Variants in GLT8D1 observed in about 807,000 individuals in gnomAD.
GLT8D1 encodes glycosyltransferase 8 domain containing 1.
In GLT8D1, 41 loss-of-function variants were observed where a neutral mutation model predicts 46.2. That is an observed-to-expected ratio of 0.89 (90% CI 0.69 to 1.15). The LOEUF (loss-of-function observed/expected upper bound fraction) is 1.15, where lower values mean the gene tolerates loss of function less well. Ranked by LOEUF, GLT8D1 falls within the 50% of genes most tolerant of loss-of-function variation. GLT8D1 has a pLI of 0.00. For missense variants in GLT8D1, 408 were observed against 449.3 expected, an observed-to-expected ratio of 0.91 and a Z score of 0.83; for synonymous variants, 150 against 154.2, an observed-to-expected ratio of 0.97 and a Z score of 0.20.
chr3:52,705,163 CGGA>C (rs1240702099), intron 1 of GLT8D1: 4 of 152,220 alleles, frequency 2.6e-5, no homozygotes, highest in Admixed American at 6.5e-5. Flanking sequence ...CTGACGGTAA[CGGA>C]GGAGGGTCTA....
Position 52,700,254 on chromosome 3 carries a change from T to C in GLT8D1, c.115+8A>G. Reference sequence around the variant, plus strand: ...ATTCTAAGGCATTATTAATAAGTGCTCGCATACCTGTAACCTCATTCCTTA... The same window carrying C: ...ATTCTAAGGCATTATTAATAAGTGCCCGCATACCTGTAACCTCATTCCTTA... On this transcript the variant is annotated splice_region_variant and intron_variant, in intron 3 of 9. Transcript: ENST00000266014. 6.4e-7 allele frequency: 1 copy of C among 1,574,532 alleles called. No homozygotes were observed. Among genetic ancestry groups the C allele is most frequent in the East Asian group, 2.2e-5 (1 of 44,640 alleles).
At chr3:52,699,285 G>A (rs1368483440) in intron 3 of GLT8D1, among the ~76,000 whole-genome samples, 1 of 151,752 alleles carries the variant, frequency 6.6e-6, no homozygotes, top group African/African-American at 2.4e-5. Context: ...AAATACTGTT[G>A]TCTCTTTTTT....
At chr3:52,702,627 G>A (rs998808034) in intron 1 of GLT8D1, among the ~76,000 whole-genome samples, 3 of 152,006 alleles carry the variant, frequency 2.0e-5, no homozygotes, top group African/African-American at 4.8e-5. Flanking sequence ...AACTATTCAG[G>A]TGGCTGGGGT....
intron 3 of GLT8D1, among the ~76,000 whole-genome samples, chr3:52,698,692 A>G (rs1448963389): frequency 1.3e-5 from 2 of 152,096 alleles, no homozygotes; most frequent in African/African-American, 2.4e-5. Flanking sequence ...AAAAAAAAAA[A>G]AAGAAAACTG....
At chr3:52,701,760 G>T in intron 1 of GLT8D1, among the ~76,000 whole-genome samples, 1 of 152,162 alleles carries the variant, frequency 6.6e-6, no homozygotes, top group East Asian at 1.9e-4. Context: ...ACAATGTCCT[G>T]GTTGGTCCTC....
intron 9 of GLT8D1, 30 bp downstream of exon 9, chr3:52,695,160 T>C (rs1482330219): frequency 6.6e-7 from 1 of 1,524,092 alleles, no homozygotes; most frequent in Admixed American, 1.7e-5. Context: ...AATTCTTTAC[T>C]AGCTTATGCC....
chr3:52,695,744 A>G, intron 7 of GLT8D1, 157 bp from the exon 8 acceptor site: 1 of 638,764 alleles, frequency 1.6e-6, no homozygotes, highest in South Asian at 2.0e-5. Flanking sequence ...TGTTGACATA[A>G]TAAACCAGAT....
At chr3:52,704,396 T>C (rs866684061) in intron 1 of GLT8D1, among the ~76,000 whole-genome samples, 2 of 141,590 alleles carry the variant, frequency 1.4e-5, no homozygotes, top group Non-Finnish European at 3.0e-5. Flanking sequence ...GAGGCGGAGG[T>C]TGCAGTGAGC....
chr3:52,702,049 T>C (rs992325770), intron 1 of GLT8D1, among the ~76,000 whole-genome samples: 1 of 152,150 alleles, frequency 6.6e-6, no homozygotes, highest in African/African-American at 2.4e-5. Context: ...TTTGTTTTTT[T>C]AGACAGGGTC....
intron 5 of GLT8D1, 69 bp from the exon 6 acceptor site, chr3:52,696,387 T>C (rs2097333606): frequency 8.5e-7 from 1 of 1,176,788 alleles, no homozygotes; most frequent in South Asian, 1.2e-5. Flanking sequence ...CAGAAACTCC[T>C]AGGATGCTTT....
In GLT8D1 at chr3:52,697,714, A is replaced by G. The variant is rs1390449036; in HGVS notation, c.329+7T>C. ...TCTAGAAGCAGAATCACATAAGCAG[A>G]GCTCACCGGAGATGGTCTGCTGTAT... is the stretch of plus-strand genomic sequence containing the variant. On this transcript the variant is annotated splice_region_variant and intron_variant, in intron 4 of 9. Transcript: ENST00000266014. The G allele has an allele frequency of 1.3e-6, 2 of 1,579,086 alleles. No individual in the cohort carries two copies. Among genetic ancestry groups the G allele is most frequent in the Admixed American group, 3.3e-5 (2 of 59,972 alleles).
chr3:52,696,033 A>G lies in GLT8D1; in HGVS notation c.540T>C (p.Ile180=). 1.3e-6 allele frequency: 2 copies of G among 1,583,860 alleles called. No individual in the cohort carries two copies. The highest frequency in any genetic ancestry group is 8.7e-7 in the Non-Finnish European group (1 of 1,152,736). The part of the protein sequence containing the change: ...MDDDVIVQGD[I]LALYNTALKP... ...TCAGTGCTGTATTGTAAAGGGCAAGAATATCACCTGAAATAGACAAGATGT... is the reference window on the plus strand; with the variant it reads ...TCAGTGCTGTATTGTAAAGGGCAAGGATATCACCTGAAATAGACAAGATGT... Residue 180 remains isoleucine (I), a synonymous_variant, in exon 7 of 10, where the codon ATT becomes ATC. Coordinates refer to ENST00000266014, the MANE Select transcript of GLT8D1 (RefSeq NM_018446.4).
At chr3:52,695,634 A>G (rs760778836) in intron 7 of GLT8D1, 47 bp from the exon 8 acceptor site, 2 of 1,136,548 alleles carry the variant, frequency 1.8e-6, no homozygotes, top group Non-Finnish European at 2.6e-6. Flanking sequence ...CAAACAAAAT[A>G]GATACAATTT....
chr3:52,705,405 G>A (rs1000579401), intron 1 of GLT8D1, 42 bp downstream of exon 1: 3 of 152,402 alleles, frequency 2.0e-5, no homozygotes, highest in African/African-American at 7.2e-5. Flanking sequence ...GCCGCCTAGG[G>A]TAGCCCCCCT....
At chr3:52,704,795 G>C (rs2097342498) in intron 1 of GLT8D1, 1 of 152,424 alleles carries the variant, frequency 6.6e-6, no homozygotes, top group African/African-American at 2.4e-5. Flanking sequence ...ACGTTGAGCT[G>C]CACCTCCCCT....
rs1159241313 is a variant in GLT8D1, at chr3:52,705,701, G to C, written c.-291C>G. The C allele has an allele frequency of 4.5e-6, 2 of 442,222 alleles. No individual in the cohort carries two copies. The highest frequency in any genetic ancestry group is 5.5e-5 in the Admixed American group (1 of 18,166). 27.4% of individuals were successfully genotyped at this position (442,222 alleles called of 1,614,324 possible). ...CCTGCACGCTGGGCCGAGCACACTTGCCCTCTAGCTCCGTGGCAGCCGCGC... is the reference window on the plus strand; with the variant it reads ...CCTGCACGCTGGGCCGAGCACACTTCCCCTCTAGCTCCGTGGCAGCCGCGC... On this transcript the variant is annotated 5_prime_UTR_variant, in exon 1 of 10. Coordinates refer to ENST00000266014, the MANE Select transcript of GLT8D1 (RefSeq NM_018446.4).
intron 3 of GLT8D1, among the ~76,000 whole-genome samples, chr3:52,699,352 T>C (rs1452632913): frequency 6.6e-6 from 1 of 152,152 alleles, no homozygotes; most frequent in East Asian, 1.9e-4. Context: ...TGGCGTGATC[T>C]TGGCTCACTG....
At chr3:52,702,088 C>A (rs892693173) in intron 1 of GLT8D1, among the ~76,000 whole-genome samples, 1 of 152,174 alleles carries the variant, frequency 6.6e-6, no homozygotes, top group African/African-American at 2.4e-5. Context: ...TGGCCTCTAA[C>A]TCCTAGGCTC....
intron 6 of GLT8D1, 81 bp downstream of exon 6, chr3:52,696,153 G>T: frequency 1.7e-6 from 2 of 1,156,182 alleles, no homozygotes; most frequent in Non-Finnish European, 2.6e-6. Context: ...AACCACTACA[G>T]CCCACTGTAG....
Sources: gnomAD v4.1 joint callset for allele counts (sites outside exome capture counted in the v4.1 genomes callset) on GRCh38, gnomAD v4.1.1 for gene constraint, MANE v1.5 for transcripts, NCBI Gene and HGNC (gene_info 2026-07-23, HGNC 2026-07-21) for gene names.